LGR6: variants seen among roughly 807,000 people sequenced by gnomAD.
LGR6 encodes the protein leucine rich repeat containing G protein-coupled receptor 6, also known as leucine-rich repeat-containing G protein-coupled receptor 6.
LGR6 carries 45 observed loss-of-function variants against 69.4 expected under a neutral mutation model. The observed-to-expected ratio is 0.65, with a 90% CI of 0.51 to 0.83. LGR6 has a LOEUF of 0.83. Ranked by LOEUF, LGR6 falls within the 40% of genes least tolerant of loss-of-function variation. The pLI is 0.00. For missense variants in LGR6, 1,108 were observed against 1,246.7 expected, an observed-to-expected ratio of 0.89 and a Z score of 1.68; for synonymous variants, 538 against 555.0, an observed-to-expected ratio of 0.97 and a Z score of 0.43.
At chr1:202,310,065 A>G (rs1653594252) in intron 15 of LGR6, 132 bp from the exon 16 acceptor site, 6 of 868,570 alleles carry the variant, frequency 6.9e-6, no homozygotes, top group Non-Finnish European at 1.1e-5. Flanking sequence ...CAGCACAGTG[A>G]ACAGGGAACT....
Position 202,318,104 on chromosome 1 carries a change from G to A in LGR6, c.1801G>A (p.Val601Ile). 1.9e-6 allele frequency: 3 copies of A among 1,614,214 alleles called. No homozygotes were observed. The highest frequency in any genetic ancestry group is 2.5e-6 in the Non-Finnish European group (3 of 1,180,026). ...PVPLPPVKFVVGAIAGANTLT... is the reference protein window; with the variant it reads ...PVPLPPVKFVIGAIAGANTLT... Reference sequence around the variant, plus strand: ...CCCCCTGCCCCCGGTCAAGTTTGTGGTAGGTGCGATTGCAGGCGCCAACAC... The same window carrying A: ...CCCCCTGCCCCCGGTCAAGTTTGTGATAGGTGCGATTGCAGGCGCCAACAC... The change falls in exon 18 of 18, where the codon GTA (valine) becomes ATA (isoleucine). Residue 601 changes from valine (V) to isoleucine (I), a missense_variant. By Grantham distance (29) the Val-to-Ile change is conservative (BLOSUM62 3). Coordinates refer to ENST00000367278, the MANE Select transcript of LGR6 (RefSeq NM_001017403.2).
intron 5 of LGR6, among the ~76,000 whole-genome samples, 184 bp from the exon 6 acceptor site, chr1:202,280,597 G>A (rs1205840378): frequency 5.3e-5 from 8 of 152,156 alleles, no homozygotes; most frequent in Admixed American, 4.6e-4. Context: ...TCCAGCCTTG[G>A]AGATTGTGGC....
At position 202,268,180 on chromosome 1, in the gene LGR6, G is replaced by A. The variant is rs1558049629; in HGVS notation, c.429-8126G>A. On this transcript the variant is annotated intron_variant, in intron 4 of 17. Transcript: ENST00000367278. This position sits in a 1 kb window ranked among gnomAD's most constrained non-coding sequence, Gnocchi z 4.4. Reference sequence around the variant, plus strand: ...CAAGCAGGGCCAGGACATGCCATGGGCAGGGGACCCCACAACCCCATTGGA... The same window carrying A: ...CAAGCAGGGCCAGGACATGCCATGGACAGGGGACCCCACAACCCCATTGGA... Among the ~76,000 whole-genome samples the A allele has an allele frequency of 3.9e-5, 6 of 152,330 alleles. 1 individual carries two copies. In the South Asian group the frequency reaches 1.2e-3, roughly 32 times the overall value.
chr1:202,242,234 A>C (rs547654592), intron 4 of LGR6, among the ~76,000 whole-genome samples: 1 of 152,350 alleles, frequency 6.6e-6, no homozygotes, highest in Admixed American at 6.5e-5. Flanking sequence ...AGAGGAGTTA[A>C]GCAACTTGCC....
Position 202,193,914 on chromosome 1 carries a change from G to T in LGR6, c.-76G>T. 1.0e-6 allele frequency: 1 copy of T among 977,896 alleles called. No individual in the cohort carries two copies. Among genetic ancestry groups the T allele is most frequent in the South Asian group, 2.9e-5 (1 of 35,056 alleles). 60.6% of individuals were successfully genotyped at this position (977,896 alleles called of 1,614,324 possible). Reference sequence around the variant, plus strand: ...ACCGACGGTGCAGCCCGCCGGGACCGGGAGGAAGCAGCTGCGGCCATCGCG... The same window carrying T: ...ACCGACGGTGCAGCCCGCCGGGACCTGGAGGAAGCAGCTGCGGCCATCGCG... On this transcript the variant is annotated 5_prime_UTR_variant, in exon 1 of 18. Transcript: ENST00000367278.
chr1:202,305,725 A>C lies in LGR6; in HGVS notation c.1112A>C (p.His371Pro). Residue 371 changes from histidine (H) to proline (P), a missense_variant, in exon 12 of 18, where the codon CAC (histidine) becomes CCC (proline). His to Pro is a moderately conservative substitution (Grantham distance 77). Coordinates refer to ENST00000367278, the MANE Select transcript of LGR6 (RefSeq NM_001017403.2). ...HNQIEELPSL[H>P]RCQKLEEIGL... ...CAAATTGAGGAGCTGCCCAGCCTGC[A>C]CAGGTGTCAGAAATTGGAGGAAATG... 1.2e-6 allele frequency: 2 copies of C among 1,614,120 alleles called. No individual in the cohort carries two copies. The highest frequency in any genetic ancestry group is 2.2e-5 in the South Asian group (2 of 91,070).
chr1:202,221,536 G>A (rs1660155461), intron 1 of LGR6, among the ~76,000 whole-genome samples: 1 of 152,134 alleles, frequency 6.6e-6, no homozygotes, highest in South Asian at 2.1e-4. Context: ...TCATGGCTGT[G>A]TCCAGTTGAG....
chr1:202,203,200 C>A (rs1276913462), intron 1 of LGR6, among the ~76,000 whole-genome samples: 1 of 152,062 alleles, frequency 6.6e-6, no homozygotes, highest in East Asian at 1.9e-4. Flanking sequence ...AGAATTGCCC[C>A]CCTACCTGAG....
chr1:202,272,974 T>C (rs1665232649), intron 4 of LGR6, among the ~76,000 whole-genome samples: 1 of 152,210 alleles, frequency 6.6e-6, no homozygotes, highest in African/African-American at 2.4e-5. Context: ...GGTGAACAGG[T>C]GAGCAGGTTC....
chr1:202,270,400 G>T lies in LGR6; in HGVS notation c.429-5906G>T, dbSNP rs1050178721. Among the ~76,000 whole-genome samples the T allele has an allele frequency of 2.6e-5, 4 of 151,886 alleles. No individual in the cohort carries two copies. In the East Asian group the frequency reaches 5.8e-4, roughly 22 times the overall value. On this transcript the variant is annotated intron_variant, in intron 4 of 17. Coordinates refer to ENST00000367278, the MANE Select transcript of LGR6 (RefSeq NM_001017403.2). ...TGGGATTATAGGCGTGTGCCACCAC[G>T]CCCGTCTAATTTTGTATTTTTAGTA...
At chr1:202,216,436 G>C (rs1659787511) in intron 1 of LGR6, among the ~76,000 whole-genome samples, 2 of 152,224 alleles carry the variant, frequency 1.3e-5, no homozygotes, top group Non-Finnish European at 2.9e-5. Context: ...GCCCTGCGAT[G>C]ATGGATGTGT....
intron 4 of LGR6, among the ~76,000 whole-genome samples, chr1:202,238,914 C>G (rs572789738): frequency 5.1e-4 from 77 of 152,260 alleles, no homozygotes; most frequent in African/African-American, 1.8e-3. Context: ...CGAGAGCTCC[C>G]CAACAGCTAA....
At chr1:202,223,374 TA>T (rs949066355) in intron 1 of LGR6, among the ~76,000 whole-genome samples, 3 of 152,170 alleles carry the variant, frequency 2.0e-5, no homozygotes, top group African/African-American at 7.2e-5. Context: ...CATTTGAGAC[TA>T]AACAGTCTTT....
intron 15 of LGR6, among the ~76,000 whole-genome samples, chr1:202,309,811 G>T (rs564378489): frequency 6.6e-6 from 1 of 152,392 alleles, no homozygotes; most frequent in South Asian, 2.1e-4. Flanking sequence ...AATCCATGTG[G>T]CCTTAAATAT....
intron 1 of LGR6, among the ~76,000 whole-genome samples, chr1:202,196,023 G>T (rs775044205): frequency 7.1e-4 from 108 of 152,238 alleles, no homozygotes; most frequent in Non-Finnish European, 2.6e-4. Context: ...TTTCTGAGCT[G>T]GTCTGTGTCT....
At chr1:202,289,022 C>G (rs1182268800) in intron 6 of LGR6, among the ~76,000 whole-genome samples, 1 of 152,216 alleles carries the variant, frequency 6.6e-6, no homozygotes, top group Non-Finnish European at 1.5e-5. Flanking sequence ...GGTGCCATAT[C>G]TTAAGCGTGG....
intron 1 of LGR6, among the ~76,000 whole-genome samples, chr1:202,199,360 T>G (rs1658754396): frequency 6.6e-6 from 1 of 151,904 alleles, no homozygotes; most frequent in African/African-American, 2.4e-5. Flanking sequence ...GGTGGGCCCA[T>G]CAGAAGGCAG....
chr1:202,251,408 C>T (rs1379220243), intron 4 of LGR6, among the ~76,000 whole-genome samples: 3 of 152,200 alleles, frequency 2.0e-5, no homozygotes, highest in Non-Finnish European at 4.4e-5. Flanking sequence ...AGCCCCTGAG[C>T]CTTCATAGGG....
At chr1:202,257,940 G>T (rs1438254363) in intron 4 of LGR6, among the ~76,000 whole-genome samples, 1 of 152,014 alleles carries the variant, frequency 6.6e-6, no homozygotes, top group Non-Finnish European at 1.5e-5. Flanking sequence ...TCCAATCCAT[G>T]AATATGGGAT....
Sources: allele counts gnomAD v4.1 joint callset (sites outside exome capture counted in the v4.1 genomes callset), GRCh38; gene constraint gnomAD v4.1.1; non-coding constraint Gnocchi (gnomAD v3.1); transcripts MANE v1.5; gene names NCBI Gene and HGNC (gene_info 2026-07-23, HGNC 2026-07-21).